The following WDR27 variants were observed in gnomAD, a reference collection of about 807,000 sequenced individuals.
WDR27 encodes WD repeat domain 27, also known as WD repeat-containing protein 27.
In WDR27, 100 loss-of-function variants were observed where a neutral mutation model predicts 114.4. That is an observed-to-expected ratio of 0.87 (90% confidence interval 0.74 to 1.03). WDR27 has a LOEUF of 1.03. WDR27 is among the 50% of genes least tolerant of loss of function. WDR27 has a pLI of 0.00. For synonymous variants in WDR27, 449 were observed against 423.1 expected (o/e 1.06, Z -0.75); for missense variants, 1,129 against 1,092.9 (o/e 1.03, Z -0.47).
At chr6:169,681,281 C>T (rs967483723) in intron 2 of WDR27, among the ~76,000 whole-genome samples, 7 of 152,140 alleles carry the variant, frequency 4.6e-5, no homozygotes, top group African/African-American at 9.7e-5. Context: ...GAGTAAGTAT[C>T]GGACATCACC....
intron 1 of WDR27, among the ~76,000 whole-genome samples, chr6:169,700,971 T>G (rs1344100825): frequency 6.6e-6 from 1 of 152,220 alleles, no homozygotes; most frequent in Non-Finnish European, 1.5e-5. Flanking sequence ...CTAGTGCACC[T>G]AACACTAGGT....
chr6:169,441,834 G>C, the WDR27 span, among the ~76,000 whole-genome samples: 48,705 of 152,088 alleles, frequency 0.32, 9,023 homozygotes, highest in African/African-American at 0.51. Flanking sequence ...GCTGAAGTCT[G>C]TTCTCTAAAA....
chr6:169,636,589 A>T, intron 18 of WDR27, 85 bp from the exon 19 acceptor site: 1 of 1,342,532 alleles, frequency 7.4e-7, no homozygotes, highest in South Asian at 1.5e-5. Flanking sequence ...ATTTCTTCTT[A>T]AAACCCAACA....
intron 6 of WDR27, among the ~76,000 whole-genome samples, chr6:169,666,229 C>A (rs544639151): frequency 6.6e-6 from 1 of 152,148 alleles, no homozygotes; most frequent in Non-Finnish European, 1.5e-5. Context: ...AAGATTCCAA[C>A]GTACTTCCAA....
Position 169,643,752 on chromosome 6 carries a change from G to A in WDR27, c.1692C>T (p.Asn564=). ...DGQWLACGLA[N]HLLLVFDASL... is the part of the protein sequence containing the mutation. ...TGGCATCAAAAACGAGTAACAGATG[G>A]TTGGCCAACCCACAGGCCAGCCACT... Residue 564 remains asparagine (N), a synonymous_variant, in exon 17 of 26, where the codon AAC becomes AAT. Coordinates refer to ENST00000448612, the MANE Select transcript of WDR27 (RefSeq NM_182552.5). 2 of 1,613,634 alleles carry A rather than the reference G, an allele frequency of 1.2e-6. No individual in the cohort carries two copies. The highest frequency in any genetic ancestry group is 1.3e-5 in the African/African-American group (1 of 75,048).
rs376405426 is a variant in WDR27 at position 169,474,528 on chromosome 6, G to T, written c.2646-16894C>A. Among the ~76,000 whole-genome samples, 26 of 152,286 alleles carry T rather than the reference G, an allele frequency of 1.7e-4. 1 individual carries two copies. In the South Asian group the frequency reaches 3.3e-3, roughly 19 times the overall value. Reference sequence around the variant, plus strand: ...TAATTCATGGGTGAAGACCTGCTAAGAAATAGCTGAAGAGAGAATTAGTGA... The same window carrying T: ...TAATTCATGGGTGAAGACCTGCTAATAAATAGCTGAAGAGAGAATTAGTGA... On this transcript the variant is annotated intron_variant, in intron 25 of 25. Transcript: ENST00000448612.
In WDR27 at chr6:169,542,998, GAGCATCTC is replaced by G. The variant is rs564599186; in HGVS notation, c.2645+29413_2645+29420del. ...ATCTCAAATGTATTTTAGACTTACA[GAGCATCTC>G]AGCATGGACTAACCAGAGTGAAGGT... On this transcript the variant is annotated intron_variant, in intron 25 of 25. Coordinates refer to ENST00000448612, the MANE Select transcript of WDR27 (RefSeq NM_182552.5). Among the ~76,000 whole-genome samples the G allele has an allele frequency of 1.6e-3, 243 of 152,090 alleles. 1 individual carries two copies. The highest frequency in any genetic ancestry group is 5.5e-3 in the African/African-American group (230 of 41,528).
intron 19 of WDR27, among the ~76,000 whole-genome samples, 162 bp downstream of exon 19, chr6:169,636,209 A>C (rs1407253147): frequency 6.6e-6 from 1 of 152,232 alleles, no homozygotes; most frequent in Non-Finnish European, 1.5e-5. Context: ...GAAGGTTTAA[A>C]ATGAGTAGGA....
intron 25 of WDR27, among the ~76,000 whole-genome samples, chr6:169,561,625 G>A (rs1799681781): frequency 6.6e-6 from 1 of 151,272 alleles, no homozygotes; most frequent in East Asian, 1.9e-4. Flanking sequence ...TATCTAATGG[G>A]GCCAAAAGAA....
chr6:169,487,367 C>T lies in WDR27; in HGVS notation c.2646-29733G>A, dbSNP rs375141778. Among the ~76,000 whole-genome samples, 13 of 152,304 alleles carry T rather than the reference C, an allele frequency of 8.5e-5. No individual in the cohort carries two copies. In the East Asian group the frequency reaches 2.3e-3, roughly 27 times the overall value. On this transcript the variant is annotated intron_variant, in intron 25 of 25. Transcript: ENST00000448612. ...TAGCACCAGAATCTACCTGCTAGCT[C>T]CATGTGCCTCCTCAAAGAAGCTGGG...
intron 25 of WDR27, among the ~76,000 whole-genome samples, chr6:169,477,635 C>T (rs963357322): frequency 6.6e-6 from 1 of 152,266 alleles, no homozygotes; most frequent in East Asian, 1.9e-4. Flanking sequence ...GACATGGTTT[C>T]TCCATGTTAG....
At chr6:169,437,902 TA>T in the WDR27 span, among the ~76,000 whole-genome samples, 1 of 152,156 alleles carries the variant, frequency 6.6e-6, no homozygotes, top group Admixed American at 6.5e-5. Context: ...TTCTTTTTTT[TA>T]TAATTTAAAC....
At chr6:169,631,168 T>C (rs1420384071) in intron 21 of WDR27, among the ~76,000 whole-genome samples, 4 of 152,178 alleles carry the variant, frequency 2.6e-5, no homozygotes, top group Non-Finnish European at 5.9e-5. Context: ...TATGCCGTTT[T>C]CATAGCCTTG....
At position 169,662,357 on chromosome 6, in the gene WDR27, T is replaced by C; in HGVS notation, c.972A>G (p.Val324=). Residue 324 remains valine, a synonymous_variant, in exon 9 of 26, where the codon GTA becomes GTG. Coordinates refer to ENST00000448612, the MANE Select transcript of WDR27 (RefSeq NM_182552.5). ...AGAGATCACAGGGTGCAAGTCTCAGTACAGGAAATGTTACTTCAACCTGCT... is the reference window on the plus strand; with the variant it reads ...AGAGATCACAGGGTGCAAGTCTCAGCACAGGAAATGTTACTTCAACCTGCT... The part of the protein sequence containing the change: ...KGEQVEVTFP[V]LRLAPCDLSL... The C allele has an allele frequency of 1.2e-6, 2 of 1,614,070 alleles. No individual in the cohort carries two copies. The highest frequency in any genetic ancestry group is 1.7e-6 in the Non-Finnish European group (2 of 1,179,904).
intron 25 of WDR27, among the ~76,000 whole-genome samples, chr6:169,459,710 A>C (rs1455788491): frequency 2.6e-5 from 4 of 152,164 alleles, no homozygotes; most frequent in African/African-American, 7.2e-5. Context: ...GAAAAGTCTT[A>C]TCACACACAA....
chr6:169,605,788 A>G (rs1028081314), intron 22 of WDR27, among the ~76,000 whole-genome samples: 2 of 152,136 alleles, frequency 1.3e-5, no homozygotes, highest in Non-Finnish European at 2.9e-5. Flanking sequence ...CAGAATCTAG[A>G]ACTCAGAAAT....
Position 169,696,508 on chromosome 6 carries a change from C to T in WDR27, c.-8+5043G>A, listed in dbSNP as rs547427086. On this transcript the variant is annotated intron_variant, in intron 1 of 25. Coordinates refer to ENST00000448612, the MANE Select transcript of WDR27 (RefSeq NM_182552.5). ...CATATAAAAAGCTGTCCGATCAAAA[C>T]GGGTTTGGTGAAAGGTTTGGGGTCA... Among the ~76,000 whole-genome samples, 18 of 152,268 alleles carry T rather than the reference C, an allele frequency of 1.2e-4. No individual in the cohort carries two copies. In the South Asian group the frequency reaches 1.4e-3, roughly 12 times the overall value.
At chr6:169,456,999 A>G (rs549519972), downstream of WDR27, among the ~76,000 whole-genome samples, 2 of 149,618 alleles carry the variant, frequency 1.3e-5, no homozygotes, top group Non-Finnish European at 1.5e-5. This position sits in a 1 kb window ranked among gnomAD's most constrained non-coding sequence, Gnocchi z 4.0. Context: ...CGTGGAACCC[A>G]TGGGCAGAGG....
intron 2 of WDR27, 125 bp from the exon 3 acceptor site, chr6:169,672,521 ATTG>A: frequency 9.8e-7 from 1 of 1,022,514 alleles, no homozygotes; most frequent in Non-Finnish European, 1.4e-6. Flanking sequence ...TTACATATTC[ATTG>A]TTAATTCATT....
Sources: gnomAD v4.1 joint callset for allele counts (sites outside exome capture counted in the v4.1 genomes callset) on GRCh38, gnomAD v4.1.1 for gene constraint, Gnocchi (gnomAD v3.1) non-coding constraint, MANE v1.5 for transcripts, NCBI Gene and HGNC (gene_info 2026-07-23, HGNC 2026-07-21) for gene names.